Variants in ARL15 observed in about 807,000 individuals in gnomAD.
ARL15 encodes ARF like GTPase 15.
ARL15 carries 19 observed loss-of-function variants against 25.2 expected under a neutral mutation model. That is an observed-to-expected ratio of 0.75 (90% CI 0.53 to 1.10). The LOEUF (loss-of-function observed/expected upper bound fraction) is 1.10, where lower values mean the gene tolerates loss of function less well. Ranked by LOEUF, ARL15 falls within the 50% of genes least tolerant of loss-of-function variation. The probability of loss-of-function intolerance (pLI) is 0.00; values close to 1 mark genes in which losing one functional copy is unlikely to be tolerated. For synonymous variants in ARL15, 94 were observed against 86.8 expected, an observed-to-expected ratio of 1.08 and a Z score of -0.46; for missense variants, 220 against 246.0, an observed-to-expected ratio of 0.89 and a Z score of 0.71.
At chr5:54,049,158 G>A (rs1302596230) in intron 4 of ARL15, among the ~76,000 whole-genome samples, 2 of 152,020 alleles carry the variant, frequency 1.3e-5, no homozygotes, top group African/African-American at 4.8e-5. Flanking sequence ...GATTTCAAAA[G>A]TAACTGCCTA....
At chr5:54,154,357 T>C (rs185416044) in intron 3 of ARL15, 60 of 405,808 alleles carry the variant, frequency 1.5e-4, no homozygotes, top group Middle Eastern at 6.5e-4. Flanking sequence ...AGTGTAATTC[T>C]TTGATTCATT....
At chr5:54,190,409 T>A in intron 1 of ARL15, among the ~76,000 whole-genome samples, 1 of 151,138 alleles carries the variant, frequency 6.6e-6, no homozygotes, top group South Asian at 2.1e-4. Flanking sequence ...AAAAAAAAAA[T>A]TACAGTGAGA....
intron 4 of ARL15, among the ~76,000 whole-genome samples, chr5:54,005,622 C>T (rs1030613037): frequency 7.3e-5 from 11 of 151,406 alleles, no homozygotes; most frequent in South Asian, 2.1e-4. Context: ...CCAGCACTTT[C>T]GGAGGCCGAG....
At chr5:54,285,421 G>T in intron 1 of ARL15, 1 of 668,228 alleles carries the variant, frequency 1.5e-6, no homozygotes, top group Non-Finnish European at 1.8e-6. Flanking sequence ...CAAGATGGCA[G>T]AAAATAAACG....
At chr5:53,972,892 T>C (rs969527557) in intron 4 of ARL15, among the ~76,000 whole-genome samples, 2 of 152,226 alleles carry the variant, frequency 1.3e-5, no homozygotes, top group Non-Finnish European at 1.5e-5. Context: ...CTGGAAGTGA[T>C]TTCAAGTTTA....
At chr5:53,908,234 A>ATG (rs1247801410) in intron 4 of ARL15, among the ~76,000 whole-genome samples, 34 of 152,318 alleles carry the variant, frequency 2.2e-4, no homozygotes, top group African/African-American at 7.5e-4. Flanking sequence ...TATCATAGGC[A>ATG]TGTATATATA....
At chr5:53,914,935 C>A (rs545338129) in intron 4 of ARL15, among the ~76,000 whole-genome samples, 4 of 152,184 alleles carry the variant, frequency 2.6e-5, no homozygotes, top group Non-Finnish European at 4.4e-5. Flanking sequence ...CTCAGCCTCC[C>A]AAGTAGCTGG....
chr5:54,096,988 T>C (rs1195071444), intron 4 of ARL15, among the ~76,000 whole-genome samples: 1 of 152,170 alleles, frequency 6.6e-6, no homozygotes, highest in African/African-American at 2.4e-5. Flanking sequence ...GTCCATCTCC[T>C]GGGCACCCTT....
At chr5:53,920,651 TAATAAATAAATAAATAAATA>T (rs377705778) in intron 4 of ARL15, among the ~76,000 whole-genome samples, 2 of 141,160 alleles carry the variant, frequency 1.4e-5, no homozygotes, top group African/African-American at 5.2e-5. Flanking sequence ...TATTAAAAAA[TAATAAATAAATAAATAAATA>T]AATAAATAAA....
At position 54,025,287 on chromosome 5, in the gene ARL15, C is replaced by CAA. The variant is rs756211559; in HGVS notation, c.462+87913_462+87914dup. Reference sequence around the variant, plus strand: ...TATGATTGCAGAGAGACAAAGGGACCAAAAAAAAAAAAAAAAAAAAGCAAA... The same window carrying CAA: ...TATGATTGCAGAGAGACAAAGGGACCAAAAAAAAAAAAAAAAAAAAAAGCAAA... On this transcript the variant is annotated intron_variant, in intron 4 of 4. Transcript: ENST00000504924. 5.7e-3 allele frequency among the ~76,000 whole-genome samples: 455 copies of CAA among 80,126 alleles called. 5 individuals are homozygous for CAA. Among genetic ancestry groups the CAA allele is most frequent in the African/African-American group, 0.024 (403 of 16,594 alleles). The allele number at this position is 80,126 out of a possible 152,430, so 52.6% of individuals were successfully genotyped here.
chr5:54,110,780 TATA>T (rs1170108992), intron 4 of ARL15, among the ~76,000 whole-genome samples: 1 of 152,086 alleles, frequency 6.6e-6, no homozygotes, highest in Non-Finnish European at 1.5e-5. Context: ...CTGCCTCTTC[TATA>T]ATACCAATGC....
intron 1 of ARL15, among the ~76,000 whole-genome samples, chr5:54,293,177 C>T (rs566771847): frequency 6.6e-6 from 1 of 152,146 alleles, no homozygotes. Context: ...CAATCTGTAA[C>T]ATTTGCAACT....
At chr5:53,978,793 A>T (rs1266509910) in intron 4 of ARL15, among the ~76,000 whole-genome samples, 1 of 152,146 alleles carries the variant, frequency 6.6e-6, no homozygotes, top group Non-Finnish European at 1.5e-5. Context: ...CTTTTGTAAA[A>T]GGCCACTTAA....
intron 1 of ARL15, among the ~76,000 whole-genome samples, chr5:54,296,224 G>T (rs1045715062): frequency 2.6e-5 from 4 of 152,220 alleles, no homozygotes; most frequent in African/African-American, 9.6e-5. Context: ...GGGGGAAAAT[G>T]AATCGAAATG....
At chr5:53,978,829 T>A (rs1236642315) in intron 4 of ARL15, among the ~76,000 whole-genome samples, 1 of 152,074 alleles carries the variant, frequency 6.6e-6, no homozygotes, top group East Asian at 1.9e-4. Flanking sequence ...GCACAACCAA[T>A]TGAGGTTAAG....
At chr5:53,926,056 A>G (rs2112033798) in intron 4 of ARL15, among the ~76,000 whole-genome samples, 1 of 147,212 alleles carries the variant, frequency 6.8e-6, no homozygotes, top group Non-Finnish European at 1.5e-5. Flanking sequence ...TTTTAAAAAC[A>G]CCTAAAGAAG....
intron 4 of ARL15, among the ~76,000 whole-genome samples, chr5:53,956,495 T>C (rs1747162051): frequency 6.6e-6 from 1 of 150,726 alleles, no homozygotes; most frequent in Non-Finnish European, 1.5e-5. Context: ...AAGAAATTAA[T>C]AGAAATTTCA....
chr5:53,900,074 A>C (rs1745016093), intron 4 of ARL15, among the ~76,000 whole-genome samples: 1 of 152,202 alleles, frequency 6.6e-6, no homozygotes, highest in Non-Finnish European at 1.5e-5. Flanking sequence ...CAGAAACAGA[A>C]TGCCCAACTT....
Position 53,956,953 on chromosome 5 carries a change from G to A in ARL15, c.463-70240C>T, listed in dbSNP as rs142810980. Among the ~76,000 whole-genome samples, 93 of 151,982 alleles carry A rather than the reference G, an allele frequency of 6.1e-4. 1 individual carries two copies. Among genetic ancestry groups the A allele is most frequent in the African/African-American group, 2.0e-3 (84 of 41,460 alleles). ...GAAGAAAAATGATCAGAGCCTAAAA[G>A]ACCAGCTGGACACCATAACAGTATA... On this transcript the variant is annotated intron_variant, in intron 4 of 4. Coordinates refer to ENST00000504924, the MANE Select transcript of ARL15 (RefSeq NM_019087.3).
Sources: gnomAD v4.1 joint callset for allele counts (sites outside exome capture counted in the v4.1 genomes callset) on GRCh38, gnomAD v4.1.1 for gene constraint, MANE v1.5 for transcripts, NCBI Gene and HGNC (gene_info 2026-07-23, HGNC 2026-07-21) for gene names.